Variants in NR3C1 observed in about 807,000 individuals in gnomAD.
NR3C1 encodes glucocorticoid receptor.
In NR3C1, 14 loss-of-function variants were observed where a neutral mutation model predicts 74.0. The observed-to-expected ratio is 0.19, with a 90% CI of 0.12 to 0.30. NR3C1 has a LOEUF of 0.30. Among genes scored for constraint, NR3C1 ranks in the 10% least tolerant of loss-of-function variants. The pLI, the probability that NR3C1 is intolerant of heterozygous loss-of-function variation, is 1.00. For synonymous variants in NR3C1, 308 were observed against 332.5 expected, an observed-to-expected ratio of 0.93 and a Z score of 0.80; for missense variants, 695 against 909.8, an observed-to-expected ratio of 0.76 and a Z score of 3.04.
Position 143,281,712 on chromosome 5 carries a change from C to A in NR3C1, c.*177G>T. 1.6e-6 allele frequency: 1 copy of A among 614,172 alleles called. No homozygotes were observed. The highest frequency in any genetic ancestry group is 3.0e-5 in the Admixed American group (1 of 33,718). The allele number at this position is 614,172 out of a possible 1,614,324, so 38.0% of individuals were successfully genotyped here. Reference sequence around the variant, plus strand: ...CTGAAAAGTGATGACGACTCAACTGCTTCTGTTGCCAAGTCTTGGCCCTCT... The same window carrying A: ...CTGAAAAGTGATGACGACTCAACTGATTCTGTTGCCAAGTCTTGGCCCTCT... On this transcript the variant is annotated 3_prime_UTR_variant, in exon 9 of 9. Coordinates refer to ENST00000394464, the MANE Select transcript of NR3C1 (RefSeq NM_000176.3).
intron 7 of NR3C1, among the ~76,000 whole-genome samples, chr5:143,289,560 A>G (rs1722497513): frequency 1.3e-5 from 2 of 152,206 alleles, no homozygotes; most frequent in African/African-American, 4.8e-5. Flanking sequence ...AAAATTATAC[A>G]CTTTTGCTCA....
At chr5:143,391,192 C>T (rs988741368) in intron 2 of NR3C1, among the ~76,000 whole-genome samples, 6 of 152,280 alleles carry the variant, frequency 3.9e-5, no homozygotes, top group South Asian at 2.1e-4. Context: ...GGTTCTACAT[C>T]GGTATGTTTA....
intron 2 of NR3C1, among the ~76,000 whole-genome samples, chr5:143,383,943 C>A (rs995404039): frequency 2.0e-5 from 3 of 152,098 alleles, no homozygotes; most frequent in African/African-American, 7.2e-5. Context: ...TGTATTATTC[C>A]GTTTTCACAC....
intron 7 of NR3C1, chr5:143,293,798 A>G: frequency 1.3e-6 from 1 of 744,308 alleles, no homozygotes; most frequent in South Asian, 6.1e-5. Flanking sequence ...AGAACTCGTG[A>G]TATTATTTAC....
chr5:143,417,990 G>C (rs1000635102), intron 1 of NR3C1, among the ~76,000 whole-genome samples: 1 of 152,136 alleles, frequency 6.6e-6, no homozygotes, highest in African/African-American at 2.4e-5. Context: ...TAAAAGCATA[G>C]ACATTGATCA....
In NR3C1 at chr5:143,300,873, A is replaced by G; in HGVS notation, c.1469-110T>C. Reference sequence around the variant, plus strand: ...TTCTAAAACTATTAAGATGGGAGAAATATTTTATTTAGCAATTATGATAAA... The same window carrying G: ...TTCTAAAACTATTAAGATGGGAGAAGTATTTTATTTAGCAATTATGATAAA... On this transcript the variant is annotated intron_variant, in intron 4 of 8. Transcript: ENST00000394464. The surrounding 1 kb of genome is among the most constrained non-coding windows in gnomAD (Gnocchi z 5.2). The G allele has an allele frequency of 8.9e-7, 1 of 1,124,816 alleles. No individual in the cohort carries two copies. Among genetic ancestry groups the G allele is most frequent in the Non-Finnish European group, 1.2e-6 (1 of 803,234 alleles). 69.7% of individuals were successfully genotyped at this position (1,124,816 alleles called of 1,614,324 possible). A position where few individuals can be genotyped will look rare whatever the true frequency, so the allele number is the denominator to read the frequency against.
At chr5:143,289,267 G>A (rs1815301846) in intron 7 of NR3C1, among the ~76,000 whole-genome samples, 1 of 152,034 alleles carries the variant, frequency 6.6e-6, no homozygotes, top group South Asian at 2.1e-4. Flanking sequence ...AATACAGATC[G>A]TTGGGTAAGA....
chr5:143,430,817 A>G (rs1322307933), intron 1 of NR3C1, among the ~76,000 whole-genome samples: 1 of 152,168 alleles, frequency 6.6e-6, no homozygotes, highest in Non-Finnish European at 1.5e-5. Context: ...GCACACTAAG[A>G]CACATGTTAT....
intron 5 of NR3C1, 85 bp from the exon 6 acceptor site, chr5:143,298,897 T>A: frequency 7.0e-7 from 1 of 1,436,872 alleles, no homozygotes; most frequent in Non-Finnish European, 9.6e-7. Context: ...TGAGATCAAT[T>A]AGCCCTGTCA....
chr5:143,400,753 G>A lies in NR3C1; in HGVS notation c.87C>T (p.Phe29=). ...TAGCTCCTCCTCTTAGGGTTTTATA[G>A]AAGTCCATCACATCTCCCCTCTCCT... ...LAQERGDVMD[F]YKTLRGGATV... Residue 29 remains phenylalanine (F), a synonymous_variant, in exon 2 of 9, where the codon TTC becomes TTT. Coordinates refer to ENST00000394464, the MANE Select transcript of NR3C1 (RefSeq NM_000176.3). 1 of 1,614,194 alleles carries A rather than the reference G, an allele frequency of 6.2e-7. No individual in the cohort carries two copies. The highest frequency in any genetic ancestry group is 8.5e-7 in the Non-Finnish European group (1 of 1,180,032).
At chr5:143,429,382 G>C (rs12656106) in intron 1 of NR3C1, among the ~76,000 whole-genome samples, 55,838 of 152,164 alleles carry the variant, frequency 0.37, 11,358 homozygotes, top group Non-Finnish European at 0.45. Context: ...TTGTGTAGTA[G>C]TTTACAGTTA....
intron 5 of NR3C1, among the ~76,000 whole-genome samples, chr5:143,299,928 T>G (rs1818155716): frequency 6.6e-6 from 1 of 152,214 alleles, no homozygotes; most frequent in South Asian, 2.1e-4. Flanking sequence ...CAATTCCCTG[T>G]CTTTAAAGTC....
At chr5:143,312,170 G>A (rs892841169) in intron 3 of NR3C1, among the ~76,000 whole-genome samples, 2 of 152,090 alleles carry the variant, frequency 1.3e-5, no homozygotes, top group African/African-American at 4.8e-5. Context: ...TATTTATGGT[G>A]GGTGTGGTAG....
At chr5:143,387,046 G>A (rs1411740573) in intron 2 of NR3C1, among the ~76,000 whole-genome samples, 2 of 152,230 alleles carry the variant, frequency 1.3e-5, no homozygotes, top group African/African-American at 2.4e-5. Flanking sequence ...ATTAAGAAGG[G>A]AGAGGAGAAA....
rs964196083 is a variant in NR3C1, at chr5:143,319,803, GA to G, written c.1185-5636del. 6.4e-3 allele frequency among the ~76,000 whole-genome samples: 865 copies of G among 134,386 alleles called. 10 individuals are homozygous for G. The highest frequency in any genetic ancestry group is 0.02 in the African/African-American group (727 of 36,744). 88.2% of individuals were successfully genotyped at this position (134,386 alleles called of 152,430 possible). On this transcript the variant is annotated intron_variant, in intron 2 of 8. Coordinates refer to ENST00000394464, the MANE Select transcript of NR3C1 (RefSeq NM_000176.3). Reference sequence around the variant, plus strand: ...GCTTTAAGCAACATAAAGTGGAAAAGAAAAAAAAAAAGGGACCAGAAACATT... The same window carrying G: ...GCTTTAAGCAACATAAAGTGGAAAAGAAAAAAAAAAGGGACCAGAAACATT...
Position 143,362,628 on chromosome 5 carries a change from C to T in NR3C1, c.1184+37028G>A, listed in dbSNP as rs538285593. Among the ~76,000 whole-genome samples the T allele has an allele frequency of 7.2e-5, 11 of 152,030 alleles. No individual in the cohort carries two copies. In the East Asian group the frequency reaches 9.7e-4, roughly 13 times the overall value. On this transcript the variant is annotated intron_variant, in intron 2 of 8. Coordinates refer to ENST00000394464, the MANE Select transcript of NR3C1 (RefSeq NM_000176.3). ...CACCTGCCTCAGCCTCCCAAAGTGCCGGGATTACAGGTGTGAGCCACTGTA... is the reference window on the plus strand; with the variant it reads ...CACCTGCCTCAGCCTCCCAAAGTGCTGGGATTACAGGTGTGAGCCACTGTA...
intron 2 of NR3C1, among the ~76,000 whole-genome samples, chr5:143,364,101 C>G (rs1181280586): frequency 6.6e-6 from 1 of 152,174 alleles, no homozygotes; most frequent in African/African-American, 2.4e-5. Flanking sequence ...CACAATCAAA[C>G]TACCAAAAGC....
At chr5:143,391,799 T>C (rs1444396928) in intron 2 of NR3C1, among the ~76,000 whole-genome samples, 2 of 152,132 alleles carry the variant, frequency 1.3e-5, no homozygotes, top group Non-Finnish European at 1.5e-5. Flanking sequence ...GGATTGCACA[T>C]AGCAGACCCT....
At chr5:143,310,954 C>A (rs1480167017) in intron 3 of NR3C1, among the ~76,000 whole-genome samples, 1 of 152,254 alleles carries the variant, frequency 6.6e-6, no homozygotes, top group Non-Finnish European at 1.5e-5. Context: ...CCACGCCCAG[C>A]CAATAGATTG....
Sources: gnomAD v4.1 joint callset for allele counts (sites outside exome capture counted in the v4.1 genomes callset) on GRCh38, gnomAD v4.1.1 for gene constraint, Gnocchi (gnomAD v3.1) non-coding constraint, MANE v1.5 for transcripts, NCBI Gene and HGNC (gene_info 2026-07-23, HGNC 2026-07-21) for gene names.